The following B3GALT1 variants were observed in gnomAD, a reference collection of about 807,000 sequenced individuals.
The protein encoded by B3GALT1 is beta-1,3-galactosyltransferase 1.
A neutral mutation model predicts 23.2 loss-of-function variants in B3GALT1; 10 were observed. The ratio of observed to expected loss-of-function variants is 0.43; its 90% CI spans 0.27 to 0.73. The LOEUF (loss-of-function observed/expected upper bound fraction) is 0.73. B3GALT1 is among the 30% of genes least tolerant of loss of function. The probability of loss-of-function intolerance (pLI) is 0.21; values close to 1 mark genes in which losing one functional copy is unlikely to be tolerated. For synonymous variants in B3GALT1, 156 were observed against 141.5 expected (o/e 1.10, Z -0.73); for missense variants, 299 against 405.4 (o/e 0.74, Z 2.25).
chr2:167,764,990 C>T lies in B3GALT1; in HGVS notation c.-351-53682C>T, dbSNP rs138297849. On this transcript the variant is annotated intron_variant, in intron 3 of 4. Transcript: ENST00000392690. ...TCCCTGCCTTAAAGTGACTCATCTC[C>T]AGATCATAATGGAGATGGGAACCTT... is the stretch of plus-strand genomic sequence containing the variant. 3.8e-3 allele frequency among the ~76,000 whole-genome samples: 585 copies of T among 152,222 alleles called. 2 individuals carry two copies. Among genetic ancestry groups the T allele is most frequent in the African/African-American group, 0.013 (549 of 41,530 alleles).
intron 3 of B3GALT1, among the ~76,000 whole-genome samples, chr2:167,792,349 C>T (rs1303187898): frequency 2.6e-5 from 4 of 152,100 alleles, no homozygotes; most frequent in South Asian, 4.1e-4. Flanking sequence ...AAGTCATGGC[C>T]CCTGGCTCCA....
At chr2:167,741,183 T>C (rs538709038) in intron 3 of B3GALT1, among the ~76,000 whole-genome samples, 3 of 151,954 alleles carry the variant, frequency 2.0e-5, no homozygotes, top group Non-Finnish European at 2.9e-5. Context: ...GAATGTAGGA[T>C]GGTGAGGCAA....
intron 3 of B3GALT1, among the ~76,000 whole-genome samples, chr2:167,737,755 A>G (rs1687515296): frequency 6.6e-6 from 1 of 152,226 alleles, no homozygotes; most frequent in African/African-American, 2.4e-5. Context: ...CATGAATCCA[A>G]GGAGTAGAGT....
rs1295985156 is a variant in B3GALT1, at chr2:167,519,506, GT to G, written c.-410+29233del. On this transcript the variant is annotated intron_variant, in intron 2 of 4. Transcript: ENST00000392690. ...GAAGTATATTTTATATGTGCCATAT[GT>G]TTTCTGCATATTAGCCAGTTGTTGG... 1.1e-4 allele frequency among the ~76,000 whole-genome samples: 17 copies of G among 152,210 alleles called. No individual in the cohort carries two copies. In the East Asian group the frequency reaches 3.3e-3, roughly 29 times the overall value.
chr2:167,804,935 T>C lies in B3GALT1; in HGVS notation c.-351-13737T>C, dbSNP rs573045381. On this transcript the variant is annotated intron_variant, in intron 3 of 4. Coordinates refer to ENST00000392690, the MANE Select transcript of B3GALT1 (RefSeq NM_020981.4). ...CCACAATGGTTGAACTAGTTTACAG[T>C]CCCACCAACAGTGTAAAAGTGTTCC... Among the ~76,000 whole-genome samples the C allele has an allele frequency of 1.2e-4, 18 of 152,314 alleles. No homozygotes were observed. The South Asian group carries it at 3.7e-3, about 32-fold the overall frequency.
chr2:167,432,892 G>T (rs1366829867), intron 1 of B3GALT1, among the ~76,000 whole-genome samples: 5 of 152,122 alleles, frequency 3.3e-5, no homozygotes, highest in African/African-American at 9.7e-5. Flanking sequence ...CAGCAGAGTG[G>T]TACATTTGTT....
At chr2:167,744,120 A>C (rs1275864125) in intron 3 of B3GALT1, among the ~76,000 whole-genome samples, 3 of 152,172 alleles carry the variant, frequency 2.0e-5, no homozygotes, top group Non-Finnish European at 4.4e-5. Context: ...AGTCAGAGAA[A>C]ATGGCCTATG....
intron 3 of B3GALT1, among the ~76,000 whole-genome samples, chr2:167,717,950 A>G (rs1687176886): frequency 6.6e-6 from 1 of 152,228 alleles, no homozygotes; most frequent in African/African-American, 2.4e-5. Flanking sequence ...TAGTGAAATC[A>G]TTTTAACATG....
At chr2:167,576,399 A>G (rs909420217) in intron 2 of B3GALT1, among the ~76,000 whole-genome samples, 2 of 151,758 alleles carry the variant, frequency 1.3e-5, no homozygotes, top group African/African-American at 4.8e-5. Context: ...TGATTGCTTT[A>G]GCTGGATAAT....
chr2:167,575,330 C>G (rs1684362250), intron 2 of B3GALT1, among the ~76,000 whole-genome samples: 1 of 151,740 alleles, frequency 6.6e-6, no homozygotes, highest in African/African-American at 2.4e-5. Flanking sequence ...CTGGTGATAT[C>G]AGCCCATGAT....
At chr2:167,791,699 G>A (rs1433141764) in intron 3 of B3GALT1, among the ~76,000 whole-genome samples, 1 of 152,118 alleles carries the variant, frequency 6.6e-6, no homozygotes, top group Non-Finnish European at 1.5e-5. Flanking sequence ...TCCACATAAA[G>A]TGAGCATAGA....
intron 3 of B3GALT1, among the ~76,000 whole-genome samples, chr2:167,796,073 C>T (rs912196678): frequency 6.6e-6 from 1 of 152,156 alleles, no homozygotes; most frequent in African/African-American, 2.4e-5. Context: ...TTTAATCTTC[C>T]CTCTTTATGC....
At chr2:167,514,184 G>A (rs980796344) in intron 2 of B3GALT1, among the ~76,000 whole-genome samples, 5 of 152,068 alleles carry the variant, frequency 3.3e-5, no homozygotes, top group African/African-American at 1.2e-4. Flanking sequence ...TGGGATTACA[G>A]GTGTGAGCCA....
At chr2:167,667,042 G>C (rs183618221) in intron 3 of B3GALT1, among the ~76,000 whole-genome samples, 5 of 151,788 alleles carry the variant, frequency 3.3e-5, no homozygotes, top group East Asian at 1.9e-4. Context: ...TTTCTTCCTA[G>C]TCTCGATGGT....
chr2:167,723,710 T>C (rs148561323), intron 3 of B3GALT1, among the ~76,000 whole-genome samples: 91 of 152,178 alleles, frequency 6.0e-4, no homozygotes, highest in African/African-American at 2.2e-3. Flanking sequence ...TTTGTATTTT[T>C]AGTAGAGACA....
chr2:167,869,417 C>T lies in B3GALT1; in HGVS notation c.378C>T (p.Leu126=), dbSNP rs985234220. 5.0e-6 allele frequency: 8 copies of T among 1,614,100 alleles called. No individual in the cohort carries two copies. Among genetic ancestry groups the T allele is most frequent in the Non-Finnish European group, 6.8e-6 (8 of 1,180,020 alleles). ...FLLGKNADPV[L]NQMVEQESQI... is the part of the protein sequence containing the mutation. ...TGGGCAAGAATGCTGATCCTGTTCTCAATCAGATGGTGGAGCAAGAGAGCC... is the reference window on the plus strand; with the variant it reads ...TGGGCAAGAATGCTGATCCTGTTCTTAATCAGATGGTGGAGCAAGAGAGCC... Residue 126 remains leucine (L), a synonymous_variant, in exon 5 of 5, where the codon CTC becomes CTT. Transcript: ENST00000392690. This position sits in a 1 kb window ranked among gnomAD's most constrained non-coding sequence, Gnocchi z 6.4.
intron 1 of B3GALT1, among the ~76,000 whole-genome samples, chr2:167,488,421 C>T (rs1218700822): frequency 6.6e-6 from 1 of 152,184 alleles, no homozygotes; most frequent in Non-Finnish European, 1.5e-5. Context: ...TTCTAGCACA[C>T]TGCCATTGTA....
At chr2:167,802,865 T>G (rs1172748595) in intron 3 of B3GALT1, among the ~76,000 whole-genome samples, 2 of 151,888 alleles carry the variant, frequency 1.3e-5, no homozygotes, top group Non-Finnish European at 2.9e-5. Context: ...GATTGAAAAA[T>G]AGCAATAACA....
intron 3 of B3GALT1, among the ~76,000 whole-genome samples, chr2:167,787,088 G>A (rs1688354432): frequency 6.6e-6 from 1 of 152,188 alleles, no homozygotes; most frequent in African/African-American, 2.4e-5. Context: ...CCAGCTAGAA[G>A]GCCATCAGTA....
Sources: gnomAD v4.1 joint callset for allele counts (sites outside exome capture counted in the v4.1 genomes callset) on GRCh38, gnomAD v4.1.1 for gene constraint, Gnocchi (gnomAD v3.1) non-coding constraint, MANE v1.5 for transcripts, NCBI Gene and HGNC (gene_info 2026-07-23, HGNC 2026-07-21) for gene names.